The following CLYBL variants were observed in gnomAD, a reference collection of about 807,000 sequenced individuals.
The protein encoded by CLYBL is citramalyl-CoA lyase.
A neutral mutation model predicts 38.9 loss-of-function variants in CLYBL; 31 were observed. The observed-to-expected ratio is 0.80, with a 90% CI of 0.60 to 1.08. The LOEUF is 1.08. CLYBL is among the 50% of genes least tolerant of loss of function. The pLI is 0.00. For missense variants in CLYBL, 434 were observed against 411.6 expected (o/e 1.05, Z -0.47); for synonymous variants, 171 against 158.6 (o/e 1.08, Z -0.59).
intron 1 of CLYBL, among the ~76,000 whole-genome samples, chr13:99,720,094 ATTTTT>A (rs57285548): frequency 6.7e-6 from 1 of 149,160 alleles, no homozygotes; most frequent in African/African-American, 2.5e-5. Context: ...AGTTCTCTTT[ATTTTT>A]TTTAAGTTTT....
Position 99,703,531 on chromosome 13 carries a change from A to G in CLYBL, c.63-69293A>G, listed in dbSNP as rs183931611. ...ACTATAGGCACATGCCACCATGCCC[A>G]GCTAATTTTTTGTATTTTTAGTAGA... On this transcript the variant is annotated intron_variant, in intron 1 of 8. Transcript: ENST00000339105. Among the ~76,000 whole-genome samples, 853 of 152,102 alleles carry G rather than the reference A, an allele frequency of 5.6e-3. 5 individuals carry two copies. Among genetic ancestry groups the G allele is most frequent in the Middle Eastern group, 0.024 (7 of 294 alleles).
At chr13:99,679,682 A>G (rs565331059) in intron 1 of CLYBL, among the ~76,000 whole-genome samples, 2 of 152,166 alleles carry the variant, frequency 1.3e-5, no homozygotes, top group African/African-American at 4.8e-5. Context: ...AGTAACCACA[A>G]TCCACTTTAT....
In CLYBL at chr13:99,798,728, C is replaced by T. The variant is rs140834298; in HGVS notation, c.249+25718C>T. On this transcript the variant is annotated intron_variant, in intron 2 of 8. Coordinates refer to ENST00000339105, the MANE Select transcript of CLYBL (RefSeq NM_206808.5). ...CTCCAGTTATCCCACTGAACAGTTACGTTTTATAACTTCAAAAGAAATGTT... is the reference window on the plus strand; with the variant it reads ...CTCCAGTTATCCCACTGAACAGTTATGTTTTATAACTTCAAAAGAAATGTT... Among the ~76,000 whole-genome samples the T allele has an allele frequency of 4.9e-3, 746 of 152,236 alleles. 19 individuals are homozygous for T. The highest frequency in any genetic ancestry group is 0.043 in the Admixed American group (665 of 15,292).
intron 1 of CLYBL, among the ~76,000 whole-genome samples, chr13:99,750,078 T>C (rs942619503): frequency 3.3e-5 from 5 of 152,100 alleles, no homozygotes; most frequent in Admixed American, 2.6e-4. Context: ...GATTCTTCTG[T>C]AACCATTGGA....
intron 1 of CLYBL, among the ~76,000 whole-genome samples, chr13:99,732,204 TACCTTGTC>T (rs1342773946): frequency 6.3e-5 from 9 of 143,686 alleles, no homozygotes; most frequent in South Asian, 2.4e-4. Context: ...GACAGGGTCT[TACCTTGTC>T]ACCTTGTCAC....
intron 1 of CLYBL, among the ~76,000 whole-genome samples, chr13:99,664,803 C>G (rs556035246): frequency 5.9e-5 from 9 of 152,022 alleles, no homozygotes; most frequent in Admixed American, 2.6e-4. Flanking sequence ...CCAAAAAAAC[C>G]GGGAAAATAA....
At chr13:99,708,227 C>T (rs1445632486) in intron 1 of CLYBL, among the ~76,000 whole-genome samples, 8 of 152,096 alleles carry the variant, frequency 5.3e-5, no homozygotes, top group African/African-American at 1.7e-4. Context: ...GTGATCCACC[C>T]GCCTTGGCCT....
At chr13:99,754,306 A>G (rs1490465583) in intron 1 of CLYBL, among the ~76,000 whole-genome samples, 2 of 149,986 alleles carry the variant, frequency 1.3e-5, no homozygotes, top group African/African-American at 4.9e-5. Flanking sequence ...GGTAATCACT[A>G]CTTGGGAGGC....
chr13:99,750,610 G>T (rs1194150032), intron 1 of CLYBL, among the ~76,000 whole-genome samples: 3 of 151,418 alleles, frequency 2.0e-5, no homozygotes, highest in African/African-American at 7.3e-5. Context: ...GGAGGCGGAG[G>T]TTGTGGTGAG....
chr13:99,700,345 T>C (rs908336933), intron 1 of CLYBL, among the ~76,000 whole-genome samples: 4 of 152,110 alleles, frequency 2.6e-5, no homozygotes, highest in African/African-American at 9.7e-5. Context: ...CTCAGGAGGC[T>C]GAGGCAGGAG....
intron 1 of CLYBL, among the ~76,000 whole-genome samples, chr13:99,609,397 G>C (rs983414046): frequency 2.6e-5 from 4 of 151,902 alleles, no homozygotes; most frequent in African/African-American, 9.7e-5. Flanking sequence ...GGATGGTCTC[G>C]ATCTTCTGAC....
intron 1 of CLYBL, among the ~76,000 whole-genome samples, chr13:99,638,212 C>G (rs2047049733): frequency 6.6e-6 from 1 of 152,170 alleles, no homozygotes; most frequent in South Asian, 2.1e-4. Context: ...CCTGCCTCAG[C>G]CTTCTGAAGT....
intron 1 of CLYBL, among the ~76,000 whole-genome samples, chr13:99,718,567 A>G (rs1221145298): frequency 2.0e-5 from 3 of 152,144 alleles, no homozygotes; most frequent in African/African-American, 7.2e-5. Context: ...CGTGTCTATG[A>G]GGCAGTGCTT....
intron 1 of CLYBL, among the ~76,000 whole-genome samples, chr13:99,758,777 G>C (rs368205918): frequency 6.6e-6 from 1 of 152,230 alleles, no homozygotes; most frequent in Admixed American, 6.5e-5. Context: ...ATTTCAAACA[G>C]TTTTGTTGCC....
At chr13:99,870,636 A>G (rs1442060045) in intron 6 of CLYBL, among the ~76,000 whole-genome samples, 1 of 152,210 alleles carries the variant, frequency 6.6e-6, no homozygotes, top group African/African-American at 2.4e-5. Context: ...CAGTTATTCA[A>G]CAAGCTGCCT....
intron 1 of CLYBL, among the ~76,000 whole-genome samples, chr13:99,657,894 A>C (rs557224584): frequency 6.6e-6 from 1 of 152,218 alleles, no homozygotes; most frequent in Non-Finnish European, 1.5e-5. Context: ...TTTTCCCAGG[A>C]ACAGAAGCCA....
intron 7 of CLYBL, among the ~76,000 whole-genome samples, chr13:99,884,136 C>T (rs1231570265): frequency 6.6e-6 from 1 of 152,192 alleles, no homozygotes; most frequent in African/African-American, 2.4e-5. Context: ...GATTACACTA[C>T]CACACTGGCC....
chr13:99,850,609 A>C (rs2051308897), intron 2 of CLYBL, among the ~76,000 whole-genome samples: 1 of 152,248 alleles, frequency 6.6e-6, no homozygotes, highest in East Asian at 1.9e-4. Context: ...TGTGGAAAAC[A>C]GTTTGGCAGT....
In CLYBL at chr13:99,865,763, A is replaced by G. The variant is rs1174008943; in HGVS notation, c.635-477A>G. ...CCGTCTCCCCAAGTTCTCCATCCAG[A>G]CAGACCCTGAAGCTGAAGCATTTGG... On this transcript the variant is annotated intron_variant, in intron 5 of 8. Coordinates refer to ENST00000339105, the MANE Select transcript of CLYBL (RefSeq NM_206808.5). The surrounding 1 kb of genome is among the most constrained non-coding windows in gnomAD (Gnocchi z 4.7). Among the ~76,000 whole-genome samples, 2 of 152,170 alleles carry G rather than the reference A, an allele frequency of 1.3e-5. No homozygotes were observed. Among genetic ancestry groups the G allele is most frequent in the Non-Finnish European group, 2.9e-5 (2 of 68,034 alleles).
Sources: gnomAD v4.1 joint callset for allele counts (sites outside exome capture counted in the v4.1 genomes callset) on GRCh38, gnomAD v4.1.1 for gene constraint, Gnocchi (gnomAD v3.1) non-coding constraint, MANE v1.5 for transcripts, NCBI Gene and HGNC (gene_info 2026-07-23, HGNC 2026-07-21) for gene names.